ATP2C2: variants seen among roughly 807,000 people sequenced by gnomAD.
The protein encoded by ATP2C2 is ATPase secretory pathway Ca2+ transporting 2, also known as calcium-transporting ATPase type 2C member 2.
In ATP2C2, 171 loss-of-function variants were observed where a neutral mutation model predicts 110.8. The observed-to-expected ratio is 1.54, with a 90% CI of 1.36 to 1.75. The LOEUF is 1.75. Among genes scored for constraint, ATP2C2 ranks in the 40% most tolerant of loss-of-function variants. The pLI, the probability that ATP2C2 is intolerant of heterozygous loss-of-function variation, is 0.00. For synonymous variants in ATP2C2, 804 were observed against 508.4 expected (o/e 1.58, Z -7.82); for missense variants, 1,963 against 1,235.0 (o/e 1.59, Z -8.84).
At chr16:84,378,698 G>A (rs756491324) in intron 1 of ATP2C2, among the ~76,000 whole-genome samples, 2 of 152,226 alleles carry the variant, frequency 1.3e-5, no homozygotes, top group Non-Finnish European at 2.9e-5. Context: ...GCTCAGTGGT[G>A]GGGGCAGGGC....
chr16:84,386,039 GAC>G (rs1177664149), intron 1 of ATP2C2, among the ~76,000 whole-genome samples: 1 of 152,148 alleles, frequency 6.6e-6, no homozygotes, highest in African/African-American at 2.4e-5. Context: ...ATGCCCTCTT[GAC>G]ATTTTTTACG....
At position 84,448,477 on chromosome 16, in the gene ATP2C2, C is replaced by A; in HGVS notation, c.1504-56C>A. 3.9e-6 allele frequency: 6 copies of A among 1,548,640 alleles called. No individual in the cohort carries two copies. In the South Asian group the frequency reaches 7.4e-5, roughly 19 times the overall value. On this transcript the variant is annotated intron_variant, in intron 16 of 26. Transcript: ENST00000262429. ...ACCTTGTGCAGAGTGGGGTGATGGT[C>A]AGTATGAACCAAGGCTTCCAGTGAT...
chr16:84,448,902 C>T (rs372095764), intron 17 of ATP2C2, among the ~76,000 whole-genome samples: 47 of 152,288 alleles, frequency 3.1e-4, no homozygotes, highest in African/African-American at 1.1e-3. Flanking sequence ...CCCCATTAAT[C>T]CAGAGAAGAG....
intron 6 of ATP2C2, among the ~76,000 whole-genome samples, chr16:84,414,379 C>G (rs2150531841): frequency 6.6e-6 from 1 of 152,330 alleles, no homozygotes; most frequent in South Asian, 2.1e-4. Flanking sequence ...TGCATTGGTT[C>G]TTGGCTGGCT....
intron 10 of ATP2C2, among the ~76,000 whole-genome samples, 168 bp downstream of exon 10, chr16:84,423,431 C>G (rs1471517527): frequency 6.6e-6 from 1 of 152,206 alleles, no homozygotes; most frequent in Non-Finnish European, 1.5e-5. Context: ...TATAGTTGGA[C>G]CAGGCTGGCT....
Position 84,438,524 on chromosome 16 carries a change from G to C in ATP2C2, c.987-642G>C, listed in dbSNP as rs536053826. On this transcript the variant is annotated intron_variant, in intron 11 of 26. Coordinates refer to ENST00000262429, the MANE Select transcript of ATP2C2 (RefSeq NM_014861.4). ...TCCAAGAGAGCATCTCACCAGCTCA[G>C]CTTGGGTCACACGCTCTCCTCGAAT... Among the ~76,000 whole-genome samples the C allele has an allele frequency of 7.2e-4, 110 of 152,318 alleles. 1 individual carries two copies. The highest frequency in any genetic ancestry group is 6.8e-3 in the Middle Eastern group (2 of 294).
intron 14 of ATP2C2, 114 bp downstream of exon 14, chr16:84,441,072 C>A: frequency 2.2e-6 from 2 of 905,396 alleles, no homozygotes; most frequent in Non-Finnish European, 3.5e-6. Context: ...ATGACTGGCC[C>A]ATCCAGGGGT....
At chr16:84,406,157 A>C (rs61092879) in intron 3 of ATP2C2, among the ~76,000 whole-genome samples, 16,980 of 152,240 alleles carry the variant, frequency 0.11, 1,181 homozygotes, top group East Asian at 0.23. Flanking sequence ...TTCCCTTGCT[A>C]GCTGCTGCCA....
chr16:84,448,656 G>A lies in ATP2C2; in HGVS notation c.1627G>A (p.Glu543Lys), dbSNP rs376849149. The A allele has an allele frequency of 3.5e-5, 57 of 1,613,794 alleles. No homozygotes were observed. The highest frequency in any genetic ancestry group is 4.7e-5 in the Non-Finnish European group (56 of 1,179,914). ...CCAGCAGAGGTCATTCTGCCTGCAG[G>A]AAGAGAAGAGGATGGGGTCGCTCGG... ...TPQQRSFCLQ[E>K]EKRMGSLGLR... Residue 543 changes from glutamate (E) to lysine (K), a missense_variant, in exon 17 of 27, where the codon GAA becomes AAA. By Grantham distance (56) the Glu-to-Lys change is moderately conservative. Transcript: ENST00000262429.
rs758950697 is a variant in ATP2C2, at chr16:84,404,954, C to T, written c.211-174C>T. ...GGTCACTGGCTTGTGCCTTTTCCTC[C>T]TCTCTCTGCCCCATCTGCACGGGGT... is the stretch of plus-strand genomic sequence containing the variant. On this transcript the variant is annotated intron_variant, in intron 2 of 26. Transcript: ENST00000262429. 34 of 708,662 alleles carry T rather than the reference C, an allele frequency of 4.8e-5. No homozygotes were observed. In the East Asian group the frequency reaches 8.6e-4, roughly 18 times the overall value. 43.9% of individuals were successfully genotyped at this position (708,662 alleles called of 1,614,324 possible).
intron 15 of ATP2C2, among the ~76,000 whole-genome samples, chr16:84,443,168 G>A (rs1909425224): frequency 6.6e-6 from 1 of 152,130 alleles, no homozygotes; most frequent in Non-Finnish European, 1.5e-5. Context: ...GAAAACATGG[G>A]CTGGGAATGC....
chr16:84,419,208 TAAA>T lies in ATP2C2; in HGVS notation c.625-3154_625-3152del, dbSNP rs59552270. Among the ~76,000 whole-genome samples, 336 of 47,474 alleles carry T rather than the reference TAAA, an allele frequency of 7.1e-3. 6 individuals carry two copies. The highest frequency in any genetic ancestry group is 0.026 in the African/African-American group (313 of 12,156). 31.1% of individuals were successfully genotyped at this position (47,474 alleles called of 152,430 possible). A position where few individuals can be genotyped will look rare whatever the true frequency, so the allele number is the denominator to read the frequency against. On this transcript the variant is annotated intron_variant, in intron 7 of 26. Transcript: ENST00000262429. Reference sequence around the variant, plus strand: ...GGGTGACAGAGTGAGACCCCATCTTTAAAAAAAAAAAAAAAAAAAAAAAAAAAA... The same window carrying T: ...GGGTGACAGAGTGAGACCCCATCTTTAAAAAAAAAAAAAAAAAAAAAAAAA...
chr16:84,391,864 C>A (rs1407087834), intron 1 of ATP2C2, among the ~76,000 whole-genome samples: 1 of 151,774 alleles, frequency 6.6e-6, no homozygotes, highest in Non-Finnish European at 1.5e-5. Flanking sequence ...TTTCCAAGTT[C>A]TTTTATGTGA....
chr16:84,429,569 T>C (rs768926359), intron 11 of ATP2C2, among the ~76,000 whole-genome samples: 1 of 152,084 alleles, frequency 6.6e-6, no homozygotes, highest in Non-Finnish European at 1.5e-5. Context: ...AGTGTTGGGA[T>C]TGGGGGAGGT....
intron 1 of ATP2C2, among the ~76,000 whole-genome samples, chr16:84,371,611 C>T (rs1415172262): frequency 6.6e-6 from 1 of 152,230 alleles, no homozygotes; most frequent in Non-Finnish European, 1.5e-5. Flanking sequence ...GAGATTGGAG[C>T]AGAAATTCCT....
intron 17 of ATP2C2, among the ~76,000 whole-genome samples, chr16:84,450,506 G>C (rs1004512715): frequency 5.9e-5 from 9 of 152,138 alleles, no homozygotes; most frequent in Non-Finnish European, 8.8e-5. Flanking sequence ...TCTTGGGATA[G>C]AGCGCTACTA....
intron 18 of ATP2C2, 82 bp downstream of exon 18, chr16:84,452,173 C>G: frequency 6.4e-7 from 1 of 1,556,192 alleles, no homozygotes; most frequent in South Asian, 1.2e-5. Context: ...AGGGAAGCCT[C>G]CGCAAACTCG....
intron 11 of ATP2C2, among the ~76,000 whole-genome samples, chr16:84,435,009 C>T (rs1362355995): frequency 3.3e-5 from 5 of 152,208 alleles, no homozygotes; most frequent in South Asian, 2.1e-4. Context: ...CTGTAGAAAC[C>T]GGGCACAGCC....
intron 17 of ATP2C2, 43 bp from the exon 18 acceptor site, chr16:84,451,878 C>G: frequency 1.9e-6 from 3 of 1,574,542 alleles, no homozygotes; most frequent in Middle Eastern, 1.8e-4. Context: ...ACGACGGCCC[C>G]TAAGCCCCCG....
Sources: gnomAD v4.1 joint callset for allele counts (sites outside exome capture counted in the v4.1 genomes callset) on GRCh38, gnomAD v4.1.1 for gene constraint, MANE v1.5 for transcripts, NCBI Gene and HGNC (gene_info 2026-07-23, HGNC 2026-07-21) for gene names.